Variants in TRPC4 observed in about 807,000 individuals in gnomAD.
The protein encoded by TRPC4 is transient receptor potential cation channel subfamily C member 4.
TRPC4 carries 49 observed loss-of-function variants against 99.4 expected under a neutral mutation model. The observed-to-expected ratio is 0.49, with a 90% CI of 0.39 to 0.63. The LOEUF (loss-of-function observed/expected upper bound fraction) is 0.63, where lower values mean the gene tolerates loss of function less well. TRPC4 is among the 20% of genes least tolerant of loss of function. The pLI is 0.00. For missense variants in TRPC4, 898 were observed against 1,152.9 expected (o/e 0.78, Z 3.20); for synonymous variants, 454 against 425.9 (o/e 1.07, Z -0.81).
At chr13:37,659,789 T>C (rs1952366991) in intron 6 of TRPC4, among the ~76,000 whole-genome samples, 1 of 151,900 alleles carries the variant, frequency 6.6e-6, no homozygotes, top group Non-Finnish European at 1.5e-5. Flanking sequence ...CGACTACACA[T>C]GGAAGGGATG....
intron 7 of TRPC4, among the ~76,000 whole-genome samples, chr13:37,654,503 A>G (rs1190021093): frequency 6.6e-6 from 1 of 152,202 alleles, no homozygotes; most frequent in Non-Finnish European, 1.5e-5. Flanking sequence ...CCCAGTAATT[A>G]TGTATTGAAT....
intron 2 of TRPC4, among the ~76,000 whole-genome samples, chr13:37,778,131 T>A (rs7335814): frequency 0.45 from 68,808 of 151,920 alleles, 15,886 homozygotes; most frequent in Middle Eastern, 0.5. Flanking sequence ...TGAATTCAAA[T>A]AAGTAATTAA....
intron 7 of TRPC4, 24 bp from the exon 8 acceptor site, chr13:37,651,483 G>T: frequency 6.3e-7 from 1 of 1,598,984 alleles, no homozygotes; most frequent in South Asian, 1.1e-5. Context: ...CATGACAACT[G>T]ATGATAGGTT....
At chr13:37,655,905 TTTG>T (rs1952215632) in intron 6 of TRPC4, among the ~76,000 whole-genome samples, 1 of 152,118 alleles carries the variant, frequency 6.6e-6, no homozygotes, top group African/African-American at 2.4e-5. Flanking sequence ...CTTTAAAAAG[TTTG>T]CTCTTTTACT....
intron 8 of TRPC4, among the ~76,000 whole-genome samples, chr13:37,643,451 T>C (rs185367209): frequency 4.6e-5 from 7 of 152,188 alleles, no homozygotes; most frequent in African/African-American, 1.7e-4. Context: ...GAGGTAATAC[T>C]GTGTGAAGGA....
chr13:37,743,493 T>C (rs1268796695), intron 3 of TRPC4, among the ~76,000 whole-genome samples: 1 of 152,028 alleles, frequency 6.6e-6, no homozygotes, highest in Non-Finnish European at 1.5e-5. Flanking sequence ...ACACGTTCAG[T>C]AAGGAAGAAC....
intron 5 of TRPC4, among the ~76,000 whole-genome samples, chr13:37,673,684 A>G (rs1285946193): frequency 6.6e-6 from 1 of 152,162 alleles, no homozygotes; most frequent in African/African-American, 2.4e-5. Flanking sequence ...GGTGTACAAA[A>G]TCTGGGGGAG....
intron 1 of TRPC4, among the ~76,000 whole-genome samples, chr13:37,858,574 C>A (rs1169525010): frequency 6.6e-6 from 1 of 151,490 alleles, no homozygotes; most frequent in East Asian, 1.9e-4. Context: ...TACATATAAA[C>A]AATGAAGTAC....
intron 4 of TRPC4, among the ~76,000 whole-genome samples, chr13:37,682,071 A>T (rs1026412119): frequency 6.6e-6 from 1 of 152,194 alleles, no homozygotes; most frequent in African/African-American, 2.4e-5. Flanking sequence ...AACAGCACCA[A>T]TTACATGTGA....
chr13:37,676,304 T>A (rs540398475), intron 4 of TRPC4, among the ~76,000 whole-genome samples: 1 of 146,692 alleles, frequency 6.8e-6, no homozygotes, highest in Non-Finnish European at 1.5e-5. Flanking sequence ...ACATTTTGCA[T>A]ACAAAGGAAG....
intron 3 of TRPC4, among the ~76,000 whole-genome samples, chr13:37,708,612 C>T (rs751893021): frequency 4.6e-5 from 7 of 151,074 alleles, no homozygotes; most frequent in Non-Finnish European, 8.9e-5. Context: ...TTCATATCTA[C>T]CCTTAGAATT....
At chr13:37,753,609 A>G (rs2039435) in intron 2 of TRPC4, among the ~76,000 whole-genome samples, 212 of 104,914 alleles carry the variant, frequency 2.0e-3, no homozygotes, top group Middle Eastern at 9.2e-3. Flanking sequence ...GAGAGAGAGA[A>G]AGAAAGAAAG....
chr13:37,805,233 T>C (rs1436637154), intron 1 of TRPC4, among the ~76,000 whole-genome samples: 2 of 151,962 alleles, frequency 1.3e-5, no homozygotes, highest in African/African-American at 2.4e-5. Flanking sequence ...CAGTATCTAT[T>C]ATTTTGGGAT....
At chr13:37,755,505 C>T (rs1956075020) in intron 2 of TRPC4, among the ~76,000 whole-genome samples, 1 of 151,878 alleles carries the variant, frequency 6.6e-6, no homozygotes, top group Non-Finnish European at 1.5e-5. Context: ...CTCCTAGGCT[C>T]AAGTGATCCC....
At chr13:37,790,715 A>G (rs1286580561) in intron 1 of TRPC4, among the ~76,000 whole-genome samples, 1 of 152,022 alleles carries the variant, frequency 6.6e-6, no homozygotes, top group Non-Finnish European at 1.5e-5. Context: ...CCTGAAACCA[A>G]CTGAGCACAG....
chr13:37,700,695 G>C (rs1202838054), intron 3 of TRPC4, among the ~76,000 whole-genome samples: 1 of 152,042 alleles, frequency 6.6e-6, no homozygotes, highest in Non-Finnish European at 1.5e-5. Context: ...CTTCTTTCCA[G>C]AATCAAAAGT....
intron 2 of TRPC4, among the ~76,000 whole-genome samples, chr13:37,749,561 G>A (rs926897452): frequency 3.3e-5 from 5 of 152,036 alleles, no homozygotes; most frequent in Non-Finnish European, 7.4e-5. Context: ...GGTCCTCTCC[G>A]ATTGCATGAA....
intron 7 of TRPC4, among the ~76,000 whole-genome samples, chr13:37,652,166 A>G (rs2138618780): frequency 6.6e-6 from 1 of 152,332 alleles, no homozygotes; most frequent in East Asian, 1.9e-4. Context: ...CATTTGTGGC[A>G]ATTAGATTTG....
At chr13:37,770,759 GA>G (rs1370935444) in intron 2 of TRPC4, among the ~76,000 whole-genome samples, 4 of 151,676 alleles carry the variant, frequency 2.6e-5, no homozygotes, top group African/African-American at 9.6e-5. Flanking sequence ...TTTATTGATA[GA>G]ATTAATAGTT....
Sources: gnomAD v4.1 joint callset for allele counts (sites outside exome capture counted in the v4.1 genomes callset) on GRCh38, gnomAD v4.1.1 for gene constraint, MANE v1.5 for transcripts, NCBI Gene and HGNC (gene_info 2026-07-23, HGNC 2026-07-21) for gene names.